LRP1B: variants seen among roughly 807,000 people sequenced by gnomAD.
LRP1B encodes LDL receptor related protein 1B.
LRP1B carries 217 observed loss-of-function variants against 556.6 expected under a neutral mutation model. That is an observed-to-expected ratio of 0.39 (90% confidence interval 0.35 to 0.44). LRP1B has a LOEUF of 0.44. Among genes scored for constraint, LRP1B ranks in the 20% least tolerant of loss-of-function variants. The pLI is 1.00. For synonymous variants in LRP1B, 2,047 were observed against 1,865.8 expected (o/e 1.10, Z -2.50); for missense variants, 5,053 against 5,620.8 (o/e 0.90, Z 3.23).
chr2:141,917,945 G>C (rs1033340032), intron 1 of LRP1B, among the ~76,000 whole-genome samples: 1 of 152,024 alleles, frequency 6.6e-6, no homozygotes, highest in African/African-American at 2.4e-5. Context: ...ATCAATGGGA[G>C]AATTGTTGAG....
chr2:141,069,886 C>A (rs1420103672), intron 7 of LRP1B, among the ~76,000 whole-genome samples: 1 of 151,782 alleles, frequency 6.6e-6, no homozygotes, highest in Non-Finnish European at 1.5e-5. Context: ...ATGTGCCATG[C>A]TGGTGTGCTG....
intron 2 of LRP1B, among the ~76,000 whole-genome samples, chr2:141,563,378 A>G (rs1208331300): frequency 6.6e-6 from 1 of 151,986 alleles, no homozygotes; most frequent in East Asian, 1.9e-4. Flanking sequence ...GTGTAGAGAG[A>G]AAATAAAAGT....
intron 12 of LRP1B, among the ~76,000 whole-genome samples, chr2:141,016,171 A>G (rs980544447): frequency 2.6e-5 from 4 of 152,236 alleles, no homozygotes; most frequent in Middle Eastern, 3.4e-3. Flanking sequence ...GGCTTCATGC[A>G]TTAATGAACC....
At chr2:140,855,898 ATTTT>A (rs1008310565) in intron 27 of LRP1B, among the ~76,000 whole-genome samples, 5 of 152,056 alleles carry the variant, frequency 3.3e-5, no homozygotes, top group African/African-American at 7.2e-5. Context: ...ACTCCAAAGC[ATTTT>A]TTTATTTCAT....
chr2:141,715,714 C>T (rs1054200700), intron 2 of LRP1B, among the ~76,000 whole-genome samples: 1 of 152,052 alleles, frequency 6.6e-6, no homozygotes, highest in Non-Finnish European at 1.5e-5. Context: ...ACTCAGGAGG[C>T]TGAGGCAGGA....
chr2:141,520,858 A>C (rs1223211862), intron 2 of LRP1B, among the ~76,000 whole-genome samples: 2 of 151,870 alleles, frequency 1.3e-5, no homozygotes, highest in African/African-American at 4.8e-5. Flanking sequence ...CTTTTATAAG[A>C]AAAAAGCAGG....
chr2:140,426,701 TGACTCTTTTCG>T (rs1685670615), intron 66 of LRP1B, among the ~76,000 whole-genome samples: 2 of 152,330 alleles, frequency 1.3e-5, no homozygotes, highest in Middle Eastern at 6.8e-3. Context: ...CTTCCTTCGC[TGACTCTTTTCG>T]GACTCAGCCC....
At chr2:141,182,952 C>A (rs1315051427) in intron 7 of LRP1B, among the ~76,000 whole-genome samples, 1 of 151,676 alleles carries the variant, frequency 6.6e-6, no homozygotes, top group Non-Finnish European at 1.5e-5. Context: ...AGATGAGGAC[C>A]CTACCTTCCA....
chr2:140,373,906 T>A (rs1191420947), intron 68 of LRP1B, among the ~76,000 whole-genome samples: 1 of 152,196 alleles, frequency 6.6e-6, no homozygotes, highest in African/African-American at 2.4e-5. Context: ...CTGTTTTGCA[T>A]GGGCAAAGCT....
intron 1 of LRP1B, among the ~76,000 whole-genome samples, chr2:141,869,808 C>T (rs1698525046): frequency 6.6e-6 from 1 of 152,044 alleles, no homozygotes; most frequent in Admixed American, 6.6e-5. Context: ...ATAAATTTCC[C>T]AATTCTCAAA....
chr2:141,537,534 T>A (rs1184869613), intron 2 of LRP1B, among the ~76,000 whole-genome samples: 1 of 152,162 alleles, frequency 6.6e-6, no homozygotes, highest in Non-Finnish European at 1.5e-5. Context: ...AAAATTAACC[T>A]GAATATCAAT....
intron 23 of LRP1B, among the ~76,000 whole-genome samples, chr2:140,895,343 C>A (rs1279143333): frequency 6.6e-6 from 1 of 152,126 alleles, no homozygotes; most frequent in Non-Finnish European, 1.5e-5. Flanking sequence ...AGCAATGGAG[C>A]CAGAAGAAAA....
At chr2:140,503,146 T>C (rs1423581454) in intron 53 of LRP1B, 43 bp from the exon 54 acceptor site, 2 of 1,584,514 alleles carry the variant, frequency 1.3e-6, no homozygotes, top group Non-Finnish European at 1.7e-6. Context: ...ACATAACAAA[T>C]ACTAATTGAA....
chr2:142,071,536 A>G (rs1482322675), intron 1 of LRP1B, among the ~76,000 whole-genome samples: 4 of 152,044 alleles, frequency 2.6e-5, no homozygotes, highest in African/African-American at 7.2e-5. Flanking sequence ...TGGAAATTAC[A>G]TGAAATTTAA....
rs560903858 is a variant in LRP1B at position 140,718,758 on chromosome 2, C to G, written c.5759-1942G>C. Reference sequence around the variant, plus strand: ...CCAACTCCCTCCAATCCTCCCTCGCCTAATTTTCTTCCACACTTCCCCTCA... The same window carrying G: ...CCAACTCCCTCCAATCCTCCCTCGCGTAATTTTCTTCCACACTTCCCCTCA... On this transcript the variant is annotated intron_variant, in intron 35 of 90. Coordinates refer to ENST00000389484, the MANE Select transcript of LRP1B (RefSeq NM_018557.3). Among the ~76,000 whole-genome samples, 4 of 152,114 alleles carry G rather than the reference C, an allele frequency of 2.6e-5. No homozygotes were observed. In the South Asian group the frequency reaches 8.3e-4, roughly 32 times the overall value.
intron 1 of LRP1B, among the ~76,000 whole-genome samples, chr2:141,906,135 G>T (rs992918040): frequency 6.6e-6 from 1 of 151,486 alleles, no homozygotes; most frequent in Non-Finnish European, 1.5e-5. Context: ...TTGAGGCAGG[G>T]ATCTATCACC....
chr2:140,974,930 G>A (rs1449619580), intron 18 of LRP1B, among the ~76,000 whole-genome samples: 2 of 152,182 alleles, frequency 1.3e-5, no homozygotes, highest in African/African-American at 4.8e-5. Flanking sequence ...AGGCACTGAT[G>A]AGATGTTTTT....
intron 32 of LRP1B, among the ~76,000 whole-genome samples, chr2:140,790,851 A>G (rs570630374): frequency 6.6e-6 from 1 of 152,282 alleles, no homozygotes; most frequent in Non-Finnish European, 1.5e-5. Context: ...CTGTAATCCC[A>G]GAACTTTGGG....
At chr2:140,463,477 C>CAAAACG (rs1687408045) in intron 60 of LRP1B, among the ~76,000 whole-genome samples, 1 of 152,144 alleles carries the variant, frequency 6.6e-6, no homozygotes, top group Non-Finnish European at 1.5e-5. Flanking sequence ...CCTCTGTGAA[C>CAAAACG]ATTTTGCCTG....
Sources: allele counts gnomAD v4.1 joint callset (sites outside exome capture counted in the v4.1 genomes callset), GRCh38; gene constraint gnomAD v4.1.1; transcripts MANE v1.5; gene names NCBI Gene and HGNC (gene_info 2026-07-23, HGNC 2026-07-21).